Variants in FAM135B observed in about 807,000 individuals in gnomAD.
FAM135B encodes family with sequence similarity 135 member B, also known as protein FAM135B.
In FAM135B, 43 loss-of-function variants were observed where a neutral mutation model predicts 127.7. That is an observed-to-expected ratio of 0.34 (90% CI 0.26 to 0.43). FAM135B has a LOEUF of 0.43. FAM135B is among the 20% of genes least tolerant of loss of function. The pLI is 1.00. For synonymous variants in FAM135B, 670 were observed against 665.1 expected (o/e 1.01, Z -0.11); for missense variants, 1,558 against 1,725.6 (o/e 0.90, Z 1.72).
At chr8:138,191,740 C>A (rs1021008706) in intron 9 of FAM135B, among the ~76,000 whole-genome samples, 4 of 152,210 alleles carry the variant, frequency 2.6e-5, no homozygotes, top group African/African-American at 7.2e-5. Flanking sequence ...GCCACGAAGA[C>A]AAAAGGAACC....
intron 3 of FAM135B, among the ~76,000 whole-genome samples, chr8:138,276,110 C>T (rs1425002042): frequency 1.3e-5 from 2 of 152,152 alleles, no homozygotes; most frequent in African/African-American, 4.8e-5. Context: ...CAACATGGGG[C>T]TTTCTGAGAA....
intron 1 of FAM135B, among the ~76,000 whole-genome samples, chr8:138,431,759 C>G (rs1412267885): frequency 6.6e-6 from 1 of 152,186 alleles, no homozygotes; most frequent in African/African-American, 2.4e-5. Flanking sequence ...ATCCTCGCAT[C>G]TTTCCATTCT....
In FAM135B at chr8:138,467,077, A is replaced by C. The variant is rs74329325; in HGVS notation, c.-20+29594T>G. ...CAAAAAAACAAACTCCGAATCAGTC[A>C]TCAGTCACTAAAAGTTCTAGGTAAT... On this transcript the variant is annotated intron_variant, in intron 1 of 19. Transcript: ENST00000395297. Among the ~76,000 whole-genome samples, 719 of 152,340 alleles carry C rather than the reference A, an allele frequency of 4.7e-3. 5 individuals carry two copies. Among genetic ancestry groups the C allele is most frequent in the African/African-American group, 0.016 (666 of 41,580 alleles).
chr8:138,263,292 C>A (rs1822679181), intron 4 of FAM135B, among the ~76,000 whole-genome samples: 1 of 152,130 alleles, frequency 6.6e-6, no homozygotes. Flanking sequence ...CTCCAGCACA[C>A]CGCCGGACAC....
intron 9 of FAM135B, among the ~76,000 whole-genome samples, chr8:138,187,418 T>A (rs1213363894): frequency 6.6e-6 from 1 of 152,204 alleles, no homozygotes; most frequent in African/African-American, 2.4e-5. Context: ...TGCCACCTAT[T>A]CTCTGTGAGA....
intron 1 of FAM135B, among the ~76,000 whole-genome samples, chr8:138,469,068 G>C (rs975749696): frequency 6.6e-6 from 1 of 150,778 alleles, no homozygotes; most frequent in Non-Finnish European, 1.5e-5. Flanking sequence ...GACAGAAAGA[G>C]AGAGAAAAAG....
chr8:138,217,151 C>A (rs1211387370), intron 7 of FAM135B, among the ~76,000 whole-genome samples: 1 of 152,118 alleles, frequency 6.6e-6, no homozygotes, highest in South Asian at 2.1e-4. Context: ...TAATGCCTGA[C>A]GAATATGCCC....
chr8:138,493,776 G>A (rs10110733), intron 1 of FAM135B, among the ~76,000 whole-genome samples: 2,668 of 152,238 alleles, frequency 0.018, 45 homozygotes, highest in Non-Finnish European at 0.027. Flanking sequence ...TACTTTTATG[G>A]CACAGCTATT....
chr8:138,360,359 A>G (rs1830344381), intron 2 of FAM135B, among the ~76,000 whole-genome samples: 1 of 152,260 alleles, frequency 6.6e-6, no homozygotes, highest in Admixed American at 6.5e-5. Flanking sequence ...TCACTTAGAA[A>G]GTATTTCCTT....
chr8:138,457,285 C>T (rs141095675), intron 1 of FAM135B, among the ~76,000 whole-genome samples: 39 of 152,102 alleles, frequency 2.6e-4, no homozygotes, highest in African/African-American at 8.9e-4. Flanking sequence ...GAGTGAGAGC[C>T]GTGGCAGAGA....
intron 3 of FAM135B, among the ~76,000 whole-genome samples, chr8:138,301,175 G>A (rs944226580): frequency 2.6e-5 from 4 of 152,150 alleles, no homozygotes; most frequent in African/African-American, 9.7e-5. Flanking sequence ...TCTGCACTAT[G>A]CGATGTGGAC....
intron 15 of FAM135B, 99 bp from the exon 16 acceptor site, chr8:138,143,208 T>C: frequency 2.9e-6 from 2 of 689,246 alleles, no homozygotes; most frequent in Non-Finnish European, 5.2e-6. Flanking sequence ...TGGCGCCTAC[T>C]GGGGATGTGC....
At chr8:138,449,204 T>C (rs887730058) in intron 1 of FAM135B, among the ~76,000 whole-genome samples, 2 of 152,180 alleles carry the variant, frequency 1.3e-5, no homozygotes, top group African/African-American at 4.8e-5. Flanking sequence ...GCTTCTCACA[T>C]ACATAATTAA....
chr8:138,410,825 C>A lies in FAM135B; in HGVS notation c.-19-42823G>T, dbSNP rs11166818. On this transcript the variant is annotated intron_variant, in intron 1 of 19. Coordinates refer to ENST00000395297, the MANE Select transcript of FAM135B (RefSeq NM_015912.4). ...AATAAATCATTTTACCAAAAACATA[C>A]GTGTACTTATACGCCAACAACAGAC... Among the ~76,000 whole-genome samples, 9 of 151,884 alleles carry A rather than the reference C, an allele frequency of 5.9e-5. 1 individual carries two copies. The highest frequency in any genetic ancestry group is 1.0e-4 in the Non-Finnish European group (7 of 67,978).
At chr8:138,494,090 G>GA (rs1224973611) in intron 1 of FAM135B, among the ~76,000 whole-genome samples, 3 of 152,118 alleles carry the variant, frequency 2.0e-5, no homozygotes, top group Non-Finnish European at 2.9e-5. Flanking sequence ...GTGCCCACTT[G>GA]AAAAAAAATG....
At position 138,210,139 on chromosome 8, in the gene FAM135B, CAG is replaced by C. The variant is rs1818027107; in HGVS notation, c.670-12472_670-12471del. Reference sequence around the variant, plus strand: ...TGCAGAATAAGTAAGCTATCAGTCTCAGTGCCTCTGGACATTGTGACCATTGT... The same window carrying C: ...TGCAGAATAAGTAAGCTATCAGTCTCTGCCTCTGGACATTGTGACCATTGT... On this transcript the variant is annotated intron_variant, in intron 7 of 19. Coordinates refer to ENST00000395297, the MANE Select transcript of FAM135B (RefSeq NM_015912.4). 2.0e-5 allele frequency among the ~76,000 whole-genome samples: 3 copies of C among 152,214 alleles called. No individual in the cohort carries two copies. In the East Asian group the frequency reaches 5.8e-4, roughly 29 times the overall value.
chr8:138,216,367 T>G (rs138082353), intron 7 of FAM135B, among the ~76,000 whole-genome samples: 1,791 of 152,306 alleles, frequency 0.012, 41 homozygotes, highest in African/African-American at 0.04. Context: ...TATTGAGTTC[T>G]AGGTGCTTAC....
intron 2 of FAM135B, among the ~76,000 whole-genome samples, chr8:138,337,115 A>C (rs1426061266): frequency 6.6e-6 from 1 of 152,178 alleles, no homozygotes; most frequent in Non-Finnish European, 1.5e-5. Context: ...TCTCAAAATA[A>C]TAAGAGCTAT....
chr8:138,208,022 A>G (rs1248439641), intron 7 of FAM135B, among the ~76,000 whole-genome samples: 1 of 152,170 alleles, frequency 6.6e-6, no homozygotes, highest in Non-Finnish European at 1.5e-5. Context: ...AAAAGAAGGT[A>G]TTGTTTTTCA....
Sources: gnomAD v4.1 joint callset for allele counts (sites outside exome capture counted in the v4.1 genomes callset) on GRCh38, gnomAD v4.1.1 for gene constraint, MANE v1.5 for transcripts, NCBI Gene and HGNC (gene_info 2026-07-23, HGNC 2026-07-21) for gene names.